Variants in SLC39A13 observed in about 807,000 individuals in gnomAD.
SLC39A13 encodes the protein solute carrier family 39 member 13.
SLC39A13 carries 18 observed loss-of-function variants against 38.7 expected under a neutral mutation model. The observed-to-expected ratio is 0.47, with a 90% confidence interval of 0.32 to 0.69. The LOEUF (loss-of-function observed/expected upper bound fraction) is 0.69, where lower values mean the gene tolerates loss of function less well. Among genes scored for constraint, SLC39A13 ranks in the 30% least tolerant of loss-of-function variants. The pLI is 0.03. For synonymous variants in SLC39A13, 212 were observed against 219.1 expected (o/e 0.97, Z 0.29); for missense variants, 395 against 490.7 (o/e 0.80, Z 1.84).
rs1042158189 is a variant in SLC39A13 at position 47,408,593 on chromosome 11, G to A, written c.-78G>A. On this transcript the variant is annotated 5_prime_UTR_variant, in exon 1 of 10. Transcript: ENST00000362021. ...CGGCCGGGCGGCCGGGCGGGGCAGAGCCTGGGCGGGGCGCGGCACCGCAGC... is the reference window on the plus strand; with the variant it reads ...CGGCCGGGCGGCCGGGCGGGGCAGAACCTGGGCGGGGCGCGGCACCGCAGC... 6.8e-6 allele frequency: 1 copy of A among 147,256 alleles called. No homozygotes were observed. Among genetic ancestry groups the A allele is most frequent in the Admixed American group, 6.7e-5 (1 of 14,818 alleles). 9.1% of individuals were successfully genotyped at this position (147,256 alleles called of 1,614,324 possible). A position where few individuals can be genotyped will look rare whatever the true frequency, so the allele number is the denominator to read the frequency against.
At chr11:47,415,243 C>T in intron 9 of SLC39A13, 45 bp from the exon 10 acceptor site, 2 of 1,613,596 alleles carry the variant, frequency 1.2e-6, no homozygotes, top group Non-Finnish European at 1.7e-6. Context: ...CCGCTGCCTG[C>T]TCCCCCTGCC....
chr11:47,413,790 C>T (rs1264501196), intron 6 of SLC39A13, 104 bp downstream of exon 6: 5 of 1,273,162 alleles, frequency 3.9e-6, no homozygotes, highest in Non-Finnish European at 5.6e-6. Flanking sequence ...TTGCCAGCGC[C>T]CTCATCTAAG....
Position 47,415,448 on chromosome 11 carries a change from G to A in SLC39A13, c.*85G>A, listed in dbSNP as rs2096022541. The stretch of plus-strand genomic sequence containing the variant: ...TGACCGCATATGTGAGAGGCAGAGA[G>A]GGCGAGTGGCTGCGAGAGAGAATGA... On this transcript the variant is annotated 3_prime_UTR_variant, in exon 10 of 10. Coordinates refer to ENST00000362021, the MANE Select transcript of SLC39A13 (RefSeq NM_001128225.3). 1 of 1,492,474 alleles carries A rather than the reference G, an allele frequency of 6.7e-7. No homozygotes were observed. The highest frequency in any genetic ancestry group is 9.3e-7 in the Non-Finnish European group (1 of 1,075,984). 92.5% of individuals were successfully genotyped at this position (1,492,474 alleles called of 1,614,324 possible).
At chr11:47,414,006 G>A in intron 6 of SLC39A13, 1 of 660,202 alleles carries the variant, frequency 1.5e-6, no homozygotes, top group African/African-American at 1.8e-5. Context: ...CTACTCTGCA[G>A]CTGGCCGAGA....
rs1040171888 is a variant in SLC39A13 at position 47,414,505 on chromosome 11, C to A, written c.786+30C>A. On this transcript the variant is annotated intron_variant, in intron 7 of 9. Coordinates refer to ENST00000362021, the MANE Select transcript of SLC39A13 (RefSeq NM_001128225.3). ...GCGCTTGTAGGGCAGCCCCCAGGGG[C>A]CCAGGCCCCCACAGTGCCCATGATC... The A allele has an allele frequency of 1.2e-5, 19 of 1,607,634 alleles. No individual in the cohort carries two copies. In the African/African-American group the frequency reaches 1.7e-4, roughly 15 times the overall value.
chr11:47,413,718 G>A (rs775078082), intron 6 of SLC39A13, 32 bp downstream of exon 6: 8 of 1,603,934 alleles, frequency 5.0e-6, no homozygotes, highest in Middle Eastern at 1.7e-4. Flanking sequence ...GGGCTCTGGC[G>A]ATTCCAGTGG....
Position 47,415,427 on chromosome 11 carries a change from C to T in SLC39A13, c.*64C>T, listed in dbSNP as rs148389866. 1.5e-3 allele frequency: 2,306 copies of T among 1,573,302 alleles called. 20 individuals are homozygous for T. The highest frequency in any genetic ancestry group is 8.6e-3 in the South Asian group (776 of 90,342). ...AAGATGCTCGGATTCACTCTGTGAC[C>T]GCATATGTGAGAGGCAGAGAGGGCG... is the stretch of plus-strand genomic sequence containing the variant. On this transcript the variant is annotated 3_prime_UTR_variant, in exon 10 of 10. Transcript: ENST00000362021.
At chr11:47,414,385 C>T (rs771796092) in intron 6 of SLC39A13, 40 bp from the exon 7 acceptor site, 1 of 1,590,554 alleles carries the variant, frequency 6.3e-7, no homozygotes. Flanking sequence ...GTGCTCAGCC[C>T]TCAACACAGA....
intron 7 of SLC39A13, 137 bp from the exon 8 acceptor site, chr11:47,414,640 A>G: frequency 6.6e-7 from 1 of 1,518,524 alleles, no homozygotes; most frequent in African/African-American, 1.4e-5. Flanking sequence ...TGCAGCTGCC[A>G]TCTCTGCCAT....
Position 47,412,457 on chromosome 11 carries a change from G to A in SLC39A13, c.527G>A (p.Gly176Glu). Residue 176 changes from glycine (G) to glutamate (E), a missense_variant, in exon 4 of 10, where the codon GGG (glycine) becomes GAG (glutamate). Physicochemically the swap from Gly to Glu is moderately conservative, Grantham distance 98. Transcript: ENST00000362021. Reference sequence around the variant, plus strand: ...ATGTTCCTGGACAGCAAGGAGGAGGGGACCAGCCAGGTGGGCCCCACACTC... The same window carrying A: ...ATGTTCCTGGACAGCAAGGAGGAGGAGACCAGCCAGGTGGGCCCCACACTC... ...EKMFLDSKEE[G>E]TSQAPNKDPT... The A allele has an allele frequency of 1.2e-6, 2 of 1,614,168 alleles. No individual in the cohort carries two copies. Among genetic ancestry groups the A allele is most frequent in the Non-Finnish European group, 1.7e-6 (2 of 1,179,996 alleles).
At chr11:47,410,037 G>C in intron 1 of SLC39A13, 50 bp from the exon 2 acceptor site, 2 of 1,606,890 alleles carry the variant, frequency 1.2e-6, no homozygotes, top group Non-Finnish European at 1.7e-6. Flanking sequence ...TCCTAAGCAG[G>C]TGTGCGGCCA....
rs149634596 is a variant in SLC39A13 at position 47,412,422 on chromosome 11, G to T, written c.492G>T (p.Ala164=). ...TTGCTGGCATCCTGACCTTCCTGGC[G>T]TTGGAGAAGATGTTCCTGGACAGCA... ...WVIAGILTFL[A]LEKMFLDSKE... is the part of the protein sequence containing the mutation. Residue 164 remains alanine (A), a synonymous_variant, in exon 4 of 10, where the codon GCG becomes GCT. Transcript: ENST00000362021. The T allele has an allele frequency of 3.3e-4, 535 of 1,614,128 alleles. No individual in the cohort carries two copies. The highest frequency in any genetic ancestry group is 4.4e-4 in the Non-Finnish European group (525 of 1,180,042).
At position 47,414,928 on chromosome 11, in the gene SLC39A13, G is replaced by A. The variant is rs1203376008; in HGVS notation, c.919+19G>A. On this transcript the variant is annotated intron_variant, in intron 8 of 9. Coordinates refer to ENST00000362021, the MANE Select transcript of SLC39A13 (RefSeq NM_001128225.3). ...GGAGTAGGTACGGGCGTGGCGGGTG[G>A]TTGTGGCGGGTGGCATCAGCAGAGG... 2.5e-6 allele frequency: 4 copies of A among 1,605,112 alleles called. No homozygotes were observed. The highest frequency in any genetic ancestry group is 8.5e-7 in the Non-Finnish European group (1 of 1,177,518).
Position 47,411,825 on chromosome 11 carries a change from G to A in SLC39A13, c.302-101G>A. ...CAGGAAGAGCAGCCACCCATATCCA[G>A]CCTTGCAGGCCCAGAAAGAGCCCAG... On this transcript the variant is annotated intron_variant, in intron 2 of 9. Transcript: ENST00000362021. 6.8e-6 allele frequency: 8 copies of A among 1,175,440 alleles called. 1 individual carries two copies. In the South Asian group the frequency reaches 1.0e-4, roughly 15 times the overall value. 72.8% of individuals were successfully genotyped at this position (1,175,440 alleles called of 1,614,324 possible).
chr11:47,414,761 C>G lies in SLC39A13; in HGVS notation c.787-16C>G, dbSNP rs576761923. 129 of 1,605,882 alleles carry G rather than the reference C, an allele frequency of 8.0e-5. 2 individuals carry two copies. In the South Asian group the frequency reaches 1.4e-3, roughly 17 times the overall value. ...CCCCGCTGGGGCGCAGGGTGAACCT[C>G]TGGACCTCCCTTCAGGTGGGCGACT... On this transcript the variant is annotated splice_polypyrimidine_tract_variant and intron_variant, in intron 7 of 9. Transcript: ENST00000362021.
chr11:47,413,315 C>T, intron 4 of SLC39A13, 85 bp from the exon 5 acceptor site: 1 of 1,404,074 alleles, frequency 7.1e-7, no homozygotes. Context: ...CCCCGTCTCT[C>T]TTTCTCCATC....
In SLC39A13 at chr11:47,412,055, CGCCAGGGGCAAGACAGT is replaced by C. The variant is rs1565663309; in HGVS notation, c.415+23_415+39del. ...GCCAGCCCTGGTAAGTGAGGCCACA[CGCCAGGGGCAAGACAGT>C]GCCAGGAGTGGGGGCCTGGTGCCCA... On this transcript the variant is annotated intron_variant, in intron 3 of 9. Transcript: ENST00000362021. The C allele has an allele frequency of 6.3e-7, 1 of 1,597,808 alleles. No homozygotes were observed. Among genetic ancestry groups the C allele is most frequent in the Non-Finnish European group, 8.5e-7 (1 of 1,172,354 alleles).
Position 47,414,136 on chromosome 11 carries a change from ACCT to A in SLC39A13, c.736-284_736-282del, listed in dbSNP as rs749464554. 154 of 605,258 alleles carry A rather than the reference ACCT, an allele frequency of 2.5e-4. 1 individual carries two copies. The highest frequency in any genetic ancestry group is 3.2e-4 in the Admixed American group (11 of 34,370). 37.5% of individuals were successfully genotyped at this position (605,258 alleles called of 1,614,324 possible). On this transcript the variant is annotated intron_variant, in intron 6 of 9. Transcript: ENST00000362021. The stretch of plus-strand genomic sequence containing the variant: ...GGACTCCTCCACCAGGCCTTTGCTG[ACCT>A]CCTCATCTAAATTTGGTTCCTGGGC...
chr11:47,410,216 G>A lies in SLC39A13; in HGVS notation c.122G>A (p.Gly41Glu). The A allele has an allele frequency of 2.5e-6, 4 of 1,614,050 alleles. No homozygotes were observed. The highest frequency in any genetic ancestry group is 1.1e-5 in the South Asian group (1 of 91,086). Residue 41 changes from glycine (G) to glutamate (E), a missense_variant, in exon 2 of 10, where the codon GGG (glycine) becomes GAG (glutamate). Physicochemically the swap from Gly to Glu is moderately conservative, Grantham distance 98. Transcript: ENST00000362021. ...TCCCAGCCGGCCCTCCGGAGCCGGGGGACTGCGACGGCCTGTCGCCTGGAC... is the reference window on the plus strand; with the variant it reads ...TCCCAGCCGGCCCTCCGGAGCCGGGAGACTGCGACGGCCTGTCGCCTGGAC... ...GGSQPALRSRGTATACRLDNK... is the reference protein window; with the variant it reads ...GGSQPALRSRETATACRLDNK...
Sources: gnomAD v4.1 joint callset for allele counts on GRCh38, gnomAD v4.1.1 for gene constraint, MANE v1.5 for transcripts, NCBI Gene and HGNC (gene_info 2026-07-23, HGNC 2026-07-21) for gene names.